The following STARD13 variants were observed in gnomAD, a reference collection of about 807,000 sequenced individuals.
STARD13 encodes the protein StAR related lipid transfer domain containing 13, also known as stAR-related lipid transfer protein 13.
In STARD13, 62 loss-of-function variants were observed where a neutral mutation model predicts 106.4. That is an observed-to-expected ratio of 0.58 (90% confidence interval 0.48 to 0.72). The LOEUF is 0.72. Ranked by LOEUF, STARD13 falls within the 30% of genes least tolerant of loss-of-function variation. The probability of loss-of-function intolerance (pLI) is 0.00; values close to 1 mark genes in which losing one functional copy is unlikely to be tolerated. For synonymous variants in STARD13, 565 were observed against 553.0 expected, an observed-to-expected ratio of 1.02 and a Z score of -0.31; for missense variants, 1,387 against 1,424.0, an observed-to-expected ratio of 0.97 and a Z score of 0.42.
At chr13:33,153,120 C>G (rs1881503876) in intron 3 of STARD13, among the ~76,000 whole-genome samples, 1 of 152,142 alleles carries the variant, frequency 6.6e-6, no homozygotes, top group Non-Finnish European at 1.5e-5. Context: ...AAGATGCCAT[C>G]AAGTAATTTG....
chr13:33,119,857 C>A (rs1875997404), intron 7 of STARD13, among the ~76,000 whole-genome samples: 1 of 152,174 alleles, frequency 6.6e-6, no homozygotes, highest in Non-Finnish European at 1.5e-5. Flanking sequence ...AGAATCCAGA[C>A]AATATTTATC....
chr13:33,627,399 G>A, the STARD13 span, among the ~76,000 whole-genome samples: 1 of 152,102 alleles, frequency 6.6e-6, no homozygotes, highest in African/African-American at 2.4e-5. Context: ...AGCACTTCGG[G>A]AGGCTGAGGT....
intron 3 of STARD13, 102 bp downstream of exon 3, chr13:33,165,235 C>T (rs1883181838): frequency 7.0e-6 from 6 of 860,252 alleles, no homozygotes; most frequent in Non-Finnish European, 1.2e-5. Context: ...ATGGTAGGCA[C>T]TCAGTGAATA....
the STARD13 span, among the ~76,000 whole-genome samples, chr13:33,427,722 G>A: frequency 6.6e-6 from 1 of 152,142 alleles, no homozygotes; most frequent in African/African-American, 2.4e-5. Context: ...TTGGGAGGCC[G>A]AGGCGGGCGG....
intron 1 of STARD13, among the ~76,000 whole-genome samples, chr13:33,259,296 C>T (rs1337874937): frequency 6.6e-6 from 1 of 152,174 alleles, no homozygotes; most frequent in African/African-American, 2.4e-5. Flanking sequence ...TTCATAGGGA[C>T]TGACAGTATC....
At chr13:33,442,132 AT>A in the STARD13 span, among the ~76,000 whole-genome samples, 1 of 152,258 alleles carries the variant, frequency 6.6e-6, no homozygotes, top group East Asian at 1.9e-4. Flanking sequence ...AACATTAAGC[AT>A]TATTCTCTAA....
At chr13:33,111,139 T>A (rs1219639227) in intron 10 of STARD13, among the ~76,000 whole-genome samples, 2 of 152,212 alleles carry the variant, frequency 1.3e-5, no homozygotes, top group Non-Finnish European at 2.9e-5. Flanking sequence ...TGCAATGACT[T>A]CCCCTTTATT....
intron 1 of STARD13, among the ~76,000 whole-genome samples, chr13:33,306,214 C>T (rs1276898464): frequency 4.6e-5 from 7 of 152,170 alleles, no homozygotes; most frequent in Non-Finnish European, 8.8e-5. Context: ...CTGACAAAAA[C>T]AAGCAATGGG....
chr13:33,177,546 G>A (rs1440475376), intron 1 of STARD13, among the ~76,000 whole-genome samples: 1 of 152,088 alleles, frequency 6.6e-6, no homozygotes, highest in Non-Finnish European at 1.5e-5. Context: ...AGCTGAGCTG[G>A]GGATATCACT....
intron 1 of STARD13, among the ~76,000 whole-genome samples, chr13:33,323,119 C>T (rs1458809989): frequency 6.6e-6 from 1 of 152,136 alleles, no homozygotes; most frequent in African/African-American, 2.4e-5. Context: ...TGTAATGTGA[C>T]GAGGCCCCTA....
At chr13:33,255,222 A>G (rs1594173228) in intron 1 of STARD13, among the ~76,000 whole-genome samples, 1 of 152,264 alleles carries the variant, frequency 6.6e-6, no homozygotes, top group East Asian at 1.9e-4. Flanking sequence ...CAAAGTTGAA[A>G]GCCTCATACA....
intron 7 of STARD13, 79 bp downstream of exon 7, chr13:33,126,002 C>A: frequency 6.5e-7 from 1 of 1,528,272 alleles, no homozygotes; most frequent in Admixed American, 1.7e-5. Flanking sequence ...TTGGGCAGAT[C>A]TGACTCAGTC....
At position 33,110,106 on chromosome 13, in the gene STARD13, G is replaced by T. The variant is rs367982279; in HGVS notation, c.2830-16C>A. ...CGTCGCCCACCTTGGGAAAGACAAC[G>T]TCAGAAGCTGAAGAGGTTGTCTGGG... On this transcript the variant is annotated splice_polypyrimidine_tract_variant and intron_variant, in intron 11 of 13. Transcript: ENST00000336934. 42 of 1,612,088 alleles carry T rather than the reference G, an allele frequency of 2.6e-5. No individual in the cohort carries two copies. Among genetic ancestry groups the T allele is most frequent in the Non-Finnish European group, 3.2e-5 (38 of 1,178,558 alleles).
chr13:33,179,107 A>T (rs1370534438), intron 1 of STARD13, among the ~76,000 whole-genome samples: 1 of 152,240 alleles, frequency 6.6e-6, no homozygotes, highest in African/African-American at 2.4e-5. Flanking sequence ...ATAAAGCTCA[A>T]GTTTCTACTC....
chr13:33,523,324 G>C, the STARD13 span, among the ~76,000 whole-genome samples: 1 of 152,074 alleles, frequency 6.6e-6, no homozygotes, highest in Admixed American at 6.6e-5. Flanking sequence ...CCTTAACCCT[G>C]CCCATATCTT....
chr13:33,287,107 G>A (rs41392754), upstream of STARD13, among the ~76,000 whole-genome samples: 2,255 of 152,164 alleles, frequency 0.015, 54 homozygotes, highest in African/African-American at 0.05. Context: ...TTTGGCTGAC[G>A]GAAACATAGC....
chr13:33,432,454 G>A, the STARD13 span, among the ~76,000 whole-genome samples: 1 of 152,108 alleles, frequency 6.6e-6, no homozygotes, highest in South Asian at 2.1e-4. Context: ...TTGCACGGTT[G>A]CCTGGGGGAA....
intron 1 of STARD13, among the ~76,000 whole-genome samples, chr13:33,304,065 C>A (rs1892815921): frequency 6.6e-6 from 1 of 152,206 alleles, no homozygotes; most frequent in Non-Finnish European, 1.5e-5. Context: ...TCTAATGTAG[C>A]TCATTTTTTC....
At chr13:33,624,173 A>G in the STARD13 span, among the ~76,000 whole-genome samples, 1 of 152,228 alleles carries the variant, frequency 6.6e-6, no homozygotes, top group South Asian at 2.1e-4. Context: ...TATTCATAAT[A>G]GTTATGAGCT....
Sources: allele counts gnomAD v4.1 joint callset (sites outside exome capture counted in the v4.1 genomes callset), GRCh38; gene constraint gnomAD v4.1.1; transcripts MANE v1.5; gene names NCBI Gene and HGNC (gene_info 2026-07-23, HGNC 2026-07-21).